The following DENND3 variants were observed in gnomAD, a reference collection of about 807,000 sequenced individuals.
DENND3 encodes DENN domain-containing protein 3.
A neutral mutation model predicts 135.1 loss-of-function variants in DENND3; 88 were observed. That is an observed-to-expected ratio of 0.65 (90% CI 0.55 to 0.78). The LOEUF (loss-of-function observed/expected upper bound fraction) is 0.78. Among genes scored for constraint, DENND3 ranks in the 30% least tolerant of loss-of-function variants. The pLI, the probability that DENND3 is intolerant of heterozygous loss-of-function variation, is 0.00. For missense variants in DENND3, 1,392 were observed against 1,688.4 expected (o/e 0.82, Z 3.08); for synonymous variants, 693 against 712.3 (o/e 0.97, Z 0.43).
At chr8:141,165,758 C>T (rs180841264) in intron 11 of DENND3, among the ~76,000 whole-genome samples, 1 of 152,218 alleles carries the variant, frequency 6.6e-6, no homozygotes, top group Admixed American at 6.5e-5. Context: ...GCCACCACTC[C>T]TGGCCTGTTT....
intron 10 of DENND3, among the ~76,000 whole-genome samples, chr8:141,164,127 C>T (rs1403634161): frequency 6.6e-6 from 1 of 152,112 alleles, no homozygotes; most frequent in Non-Finnish European, 1.5e-5. Context: ...GAGTCTTGCG[C>T]TGTGCAGTCC....
chr8:141,190,800 C>T (rs1249585508), intron 20 of DENND3, among the ~76,000 whole-genome samples: 1 of 152,244 alleles, frequency 6.6e-6, no homozygotes, highest in South Asian at 2.1e-4. Flanking sequence ...CACCTGGGGG[C>T]AGCTGGCGAG....
chr8:141,144,359 CT>C lies in DENND3; in HGVS notation c.735+101del. On this transcript the variant is annotated intron_variant, in intron 5 of 22. Transcript: ENST00000519811. The surrounding 1 kb of genome is among the most constrained non-coding windows in gnomAD (Gnocchi z 4.4). Reference sequence around the variant, plus strand: ...CTCACAACTATTTCTGAAGTTCTAGCTGTTGTAAACCTAAAATAACATCCTA... The same window carrying C: ...CTCACAACTATTTCTGAAGTTCTAGCGTTGTAAACCTAAAATAACATCCTA... 1 of 1,152,198 alleles carries C rather than the reference CT, an allele frequency of 8.7e-7. No individual in the cohort carries two copies. The highest frequency in any genetic ancestry group is 2.2e-4 in the Middle Eastern group (1 of 4,492). 71.4% of individuals were successfully genotyped at this position (1,152,198 alleles called of 1,614,324 possible).
Position 141,137,871 on chromosome 8 carries a change from G to A in DENND3, c.386-151G>A, listed in dbSNP as rs769105570. On this transcript the variant is annotated intron_variant, in intron 2 of 22. Coordinates refer to ENST00000519811, the MANE Select transcript of DENND3 (RefSeq NM_001352890.3). This position sits in a 1 kb window ranked among gnomAD's most constrained non-coding sequence, Gnocchi z 4.1. ...TCAGGGAGGATAGACGGCCGGAGGCGTGATCGGAAGAATGAACCCGCCTTG... is the reference window on the plus strand; with the variant it reads ...TCAGGGAGGATAGACGGCCGGAGGCATGATCGGAAGAATGAACCCGCCTTG... 22 of 685,292 alleles carry A rather than the reference G, an allele frequency of 3.2e-5. No homozygotes were observed. The highest frequency in any genetic ancestry group is 6.0e-5 in the South Asian group (3 of 49,906). 42.5% of individuals were successfully genotyped at this position (685,292 alleles called of 1,614,324 possible). A position where few individuals can be genotyped will look rare whatever the true frequency, so the allele number is the denominator to read the frequency against.
In DENND3 at chr8:141,150,896, C is replaced by T. The variant is rs1472754433; in HGVS notation, c.798C>T (p.Ile266=). The T allele has an allele frequency of 6.2e-7, 1 of 1,610,160 alleles. No individual in the cohort carries two copies. The highest frequency in any genetic ancestry group is 1.7e-5 in the Admixed American group (1 of 58,530). The change falls in exon 6 of 23, where the codon ATC becomes ATT. Residue 266 remains isoleucine (I), a synonymous_variant. Transcript: ENST00000519811. ...LPARADPESP[I]LDLDLHLPLL... ...CCCGAGCAGACCCCGAAAGCCCCAT[C>T]CTGGACCTGGACCTTCACCTGCCCT...
rs375356744 is a variant in DENND3, at chr8:141,146,798, C to T, written c.735+2539C>T. On this transcript the variant is annotated intron_variant, in intron 5 of 22. Coordinates refer to ENST00000519811, the MANE Select transcript of DENND3 (RefSeq NM_001352890.3). This position sits in a 1 kb window ranked among gnomAD's most constrained non-coding sequence, Gnocchi z 4.3. ...GCCTTTGTAGGGCATGTTTATCGGC[C>T]GCGTGTTTTATGTGGATAGTTGGCA... is the stretch of plus-strand genomic sequence containing the variant. Among the ~76,000 whole-genome samples, 15 of 152,198 alleles carry T rather than the reference C, an allele frequency of 9.9e-5. No individual in the cohort carries two copies. Among genetic ancestry groups the T allele is most frequent in the African/African-American group, 3.1e-4 (13 of 41,510 alleles).
At chr8:141,163,284 C>A in intron 9 of DENND3, 49 bp from the exon 10 acceptor site, 1 of 1,094,222 alleles carries the variant, frequency 9.1e-7, no homozygotes, top group Non-Finnish European at 1.3e-6. Flanking sequence ...GTATATTTTT[C>A]ATGTATTTAA....
rs935685494 is a variant in DENND3 at position 141,138,539 on chromosome 8, C to T, written c.501+402C>T. Among the ~76,000 whole-genome samples the T allele has an allele frequency of 1.3e-5, 2 of 152,036 alleles. No individual in the cohort carries two copies. Among genetic ancestry groups the T allele is most frequent in the Non-Finnish European group, 2.9e-5 (2 of 68,014 alleles). The stretch of plus-strand genomic sequence containing the variant: ...TAGCTGGGATTACAGGTGCCCACCA[C>T]CATGCCCAGCTAATTTTTGTGTTTT... On this transcript the variant is annotated intron_variant, in intron 3 of 22. Coordinates refer to ENST00000519811, the MANE Select transcript of DENND3 (RefSeq NM_001352890.3). The surrounding 1 kb of genome is among the most constrained non-coding windows in gnomAD (Gnocchi z 4.8).
At chr8:141,149,394 A>G (rs1331546429) in intron 5 of DENND3, among the ~76,000 whole-genome samples, 1 of 152,266 alleles carries the variant, frequency 6.6e-6, no homozygotes, top group Admixed American at 6.5e-5. Flanking sequence ...TTAAGTTCCT[A>G]TGGCATACTA....
At chr8:141,193,189 T>C (rs946301394) in intron 22 of DENND3, 1 of 175,698 alleles carries the variant, frequency 5.7e-6, no homozygotes, top group Non-Finnish European at 1.2e-5. Context: ...CTGCAGACTC[T>C]ACTTCCAAAG....
chr8:141,190,856 G>A (rs928086913), intron 20 of DENND3, among the ~76,000 whole-genome samples: 1 of 152,228 alleles, frequency 6.6e-6, no homozygotes, highest in Non-Finnish European at 1.5e-5. Flanking sequence ...GCTGCAGCCT[G>A]GGACTCTCCG....
In DENND3 at chr8:141,144,154, G is replaced by T. The variant is rs1312459744; in HGVS notation, c.630G>T (p.Leu210Phe). Residue 210 changes from leucine to phenylalanine, a missense_variant, in exon 5 of 23, where the codon TTG (leucine) becomes TTT (phenylalanine). By Grantham distance (22) the Leu-to-Phe change is conservative (BLOSUM62 0). Coordinates refer to ENST00000519811, the MANE Select transcript of DENND3 (RefSeq NM_001352890.3). The surrounding 1 kb of genome is among the most constrained non-coding windows in gnomAD (Gnocchi z 4.4). ...NSLKDCLSCL[L>F]ALLKPCKDFE... ...TTTGTGTTTCGAATTTCAGTTTATT[G>T]GCTCTTCTGAAGCCCTGTAAAGATT... The T allele has an allele frequency of 6.2e-7, 1 of 1,605,482 alleles. No homozygotes were observed. Among genetic ancestry groups the T allele is most frequent in the South Asian group, 1.1e-5 (1 of 88,882 alleles).
chr8:141,130,689 ATATT>A lies in DENND3; in HGVS notation c.102+1882_102+1885del, dbSNP rs1192680192. On this transcript the variant is annotated intron_variant, in intron 1 of 22. Transcript: ENST00000519811. The surrounding 1 kb of genome is among the most constrained non-coding windows in gnomAD (Gnocchi z 4.2). Reference sequence around the variant, plus strand: ...TTTTGAATGTCCAAGGCTTTTAAATATATTTTTTTTTTTTTGAGACAGAGTTTTG... The same window carrying A: ...TTTTGAATGTCCAAGGCTTTTAAATATTTTTTTTTTTGAGACAGAGTTTTG... 4.6e-4 allele frequency among the ~76,000 whole-genome samples: 68 copies of A among 148,188 alleles called. No homozygotes were observed. The highest frequency in any genetic ancestry group is 6.1e-4 in the Non-Finnish European group (41 of 66,732).
At position 141,163,317 on chromosome 8, in the gene DENND3, T is replaced by G. The variant is rs749695079; in HGVS notation, c.1353-16T>G. On this transcript the variant is annotated splice_polypyrimidine_tract_variant and intron_variant, in intron 9 of 22. Transcript: ENST00000519811. ...TAAGAAAGTTTTAGCACTCAGACTC[T>G]CTTTCTCTTTGTTAGGGATGTAAAG... The G allele has an allele frequency of 6.6e-7, 1 of 1,513,606 alleles. No individual in the cohort carries two copies. Among genetic ancestry groups the G allele is most frequent in the African/African-American group, 1.4e-5 (1 of 72,584 alleles). 93.8% of individuals were successfully genotyped at this position (1,513,606 alleles called of 1,614,324 possible). A position where few individuals can be genotyped will look rare whatever the true frequency, so the allele number is the denominator to read the frequency against.
intron 1 of DENND3, among the ~76,000 whole-genome samples, chr8:141,131,907 C>T (rs1487776416): frequency 1.3e-5 from 2 of 151,976 alleles, no homozygotes; most frequent in Non-Finnish European, 2.9e-5. Context: ...TTGTTCAGGG[C>T]AGCCACAACC....
At position 141,136,714 on chromosome 8, in the gene DENND3, C is replaced by G. The variant is rs377303767; in HGVS notation, c.308C>G (p.Pro103Arg). The G allele has an allele frequency of 1.2e-6, 2 of 1,610,614 alleles. No homozygotes were observed. Among genetic ancestry groups the G allele is most frequent in the Non-Finnish European group, 1.7e-6 (2 of 1,178,736 alleles). The change falls in exon 2 of 23, where the codon CCC (proline) becomes CGC (arginine). Residue 103 changes from proline (P) to arginine (R), a missense_variant. Transcript: ENST00000519811. ...CAGTGGAAGGGCCTCCCGGGGCCCC[C>G]CAGAGCGCCAGAGCCTGAGGATGTC... ...PEQWKGLPGPPRAPEPEDVAV... is the reference protein window; with the variant it reads ...PEQWKGLPGPRRAPEPEDVAV...
In DENND3 at chr8:141,150,970, C is replaced by T. The variant is rs752451833; in HGVS notation, c.855+17C>T. 1.7e-5 allele frequency: 25 copies of T among 1,509,450 alleles called. 1 individual carries two copies. In the Middle Eastern group the frequency reaches 2.5e-3, roughly 150 times the overall value. The allele number at this position is 1,509,450 out of a possible 1,614,324, so 93.5% of individuals were successfully genotyped here. A position where few individuals can be genotyped will look rare whatever the true frequency, so the allele number is the denominator to read the frequency against. The stretch of plus-strand genomic sequence containing the variant: ...GTGCTACAGGTACGCGGCCCCGCCC[C>T]GGCGAGCGCGTCTTGTGCTCCCTGC... On this transcript the variant is annotated intron_variant, in intron 6 of 22. Transcript: ENST00000519811.
At chr8:141,162,433 AAAAAAAGAG>A (rs1258590714) in intron 9 of DENND3, among the ~76,000 whole-genome samples, 8 of 152,150 alleles carry the variant, frequency 5.3e-5, no homozygotes, top group African/African-American at 1.9e-4. Context: ...CGGCTCTTTA[AAAAAAAGAG>A]GCAGAAAATA....
rs979015991 is a variant in DENND3, at chr8:141,131,888, G to A, written c.102+3079G>A. 4.8e-4 allele frequency among the ~76,000 whole-genome samples: 64 copies of A among 132,528 alleles called. 2 individuals carry two copies. The highest frequency in any genetic ancestry group is 4.9e-4 in the South Asian group (2 of 4,086). 86.9% of individuals were successfully genotyped at this position (132,528 alleles called of 152,430 possible). A position where few individuals can be genotyped will look rare whatever the true frequency, so the allele number is the denominator to read the frequency against. ...AGGTGACTAGCGTCTCGGTGGTGGC[G>A]GGGTCTGGTTGTTCAGGGCAGCCAC... On this transcript the variant is annotated intron_variant, in intron 1 of 22. Coordinates refer to ENST00000519811, the MANE Select transcript of DENND3 (RefSeq NM_001352890.3).
Sources: allele counts gnomAD v4.1 joint callset (sites outside exome capture counted in the v4.1 genomes callset), GRCh38; gene constraint gnomAD v4.1.1; non-coding constraint Gnocchi (gnomAD v3.1); transcripts MANE v1.5; gene names NCBI Gene and HGNC (gene_info 2026-07-23, HGNC 2026-07-21).